Variants in LDLRAD4 observed in about 807,000 individuals in gnomAD.
The protein encoded by LDLRAD4 is low density lipoprotein receptor class A domain containing 4, also known as low-density lipoprotein receptor class A domain-containing protein 4.
Under a neutral mutation model 17.0 loss-of-function variants are expected in LDLRAD4, and 5 were observed. The observed-to-expected ratio is 0.29, with a 90% CI of 0.15 to 0.62. The LOEUF is 0.62. LDLRAD4 is among the 20% of genes least tolerant of loss of function. The pLI, the probability that LDLRAD4 is intolerant of heterozygous loss-of-function variation, is 0.84. For synonymous variants in LDLRAD4, 168 were observed against 171.8 expected (o/e 0.98, Z 0.17); for missense variants, 340 against 424.7 (o/e 0.80, Z 1.75).
chr18:13,424,322 C>T (rs1014138100), intron 2 of LDLRAD4, among the ~76,000 whole-genome samples: 6 of 152,150 alleles, frequency 3.9e-5, no homozygotes, highest in Admixed American at 3.9e-4. Flanking sequence ...TGTGCTGATT[C>T]TTGTCCATCT....
intron 3 of LDLRAD4, among the ~76,000 whole-genome samples, chr18:13,441,656 C>T (rs2091029386): frequency 6.6e-6 from 1 of 152,154 alleles, no homozygotes; most frequent in Non-Finnish European, 1.5e-5. Context: ...GCCATATCTC[C>T]CATTTGATAT....
chr18:13,456,025 C>T (rs562975242), intron 3 of LDLRAD4, among the ~76,000 whole-genome samples: 2 of 152,250 alleles, frequency 1.3e-5, no homozygotes, highest in South Asian at 2.1e-4. Flanking sequence ...TGTTAGGAAA[C>T]GTGTCCTTGC....
chr18:13,284,087 T>C (rs2045463834), intron 1 of LDLRAD4, among the ~76,000 whole-genome samples: 1 of 152,154 alleles, frequency 6.6e-6, no homozygotes, highest in Non-Finnish European at 1.5e-5. Flanking sequence ...AAGTTGAGAT[T>C]TGGGTGGCAA....
At chr18:13,390,104 C>G (rs2086152748) in intron 2 of LDLRAD4, among the ~76,000 whole-genome samples, 1 of 152,236 alleles carries the variant, frequency 6.6e-6, no homozygotes, top group South Asian at 2.1e-4. Flanking sequence ...CTGCTCATCA[C>G]TGCACATTTT....
intron 4 of LDLRAD4, among the ~76,000 whole-genome samples, chr18:13,627,792 G>C (rs915185083): frequency 1.8e-4 from 28 of 152,210 alleles, no homozygotes; most frequent in Non-Finnish European, 5.9e-5. Context: ...CCCGCTCTCT[G>C]AGGCTCGGCC....
At chr18:13,276,718 T>C (rs553077627), upstream of LDLRAD4, among the ~76,000 whole-genome samples, 2 of 152,308 alleles carry the variant, frequency 1.3e-5, no homozygotes, top group Admixed American at 1.3e-4. Context: ...TGTCACTCCC[T>C]CGTTGCGGAC....
intron 4 of LDLRAD4, among the ~76,000 whole-genome samples, chr18:13,631,252 A>G (rs1249065320): frequency 1.3e-5 from 2 of 152,256 alleles, no homozygotes; most frequent in African/African-American, 4.8e-5. Context: ...TATGCAAACC[A>G]ATTGGATAAC....
At chr18:13,531,069 C>A (rs1259705163) in intron 3 of LDLRAD4, among the ~76,000 whole-genome samples, 1 of 152,130 alleles carries the variant, frequency 6.6e-6, no homozygotes, top group Non-Finnish European at 1.5e-5. Context: ...GCTGGCTGTT[C>A]CTGCACTCTA....
chr18:13,279,198 C>T (rs139761568), intron 1 of LDLRAD4, among the ~76,000 whole-genome samples: 7 of 152,326 alleles, frequency 4.6e-5, no homozygotes, highest in South Asian at 2.1e-4. Context: ...ACACCCAGAC[C>T]GCACGCCTTG....
intron 4 of LDLRAD4, among the ~76,000 whole-genome samples, chr18:13,633,323 C>G (rs1173267231): frequency 6.6e-6 from 1 of 152,262 alleles, no homozygotes; most frequent in African/African-American, 2.4e-5. Flanking sequence ...GGACTCCACT[C>G]AGAACTGACA....
intron 3 of LDLRAD4, among the ~76,000 whole-genome samples, chr18:13,560,842 A>C (rs1284438): frequency 0.81 from 123,380 of 152,144 alleles, 50,300 homozygotes; most frequent in Middle Eastern, 0.89. Context: ...AACAGAGTGC[A>C]GACCTGCGGT....
chr18:13,451,012 A>C (rs990286190), intron 3 of LDLRAD4, among the ~76,000 whole-genome samples: 1 of 152,208 alleles, frequency 6.6e-6, no homozygotes, highest in Admixed American at 6.5e-5. Flanking sequence ...TTTTTGAGCA[A>C]GAGAGGCTAC....
At chr18:13,396,991 A>C (rs1053691443) in intron 2 of LDLRAD4, among the ~76,000 whole-genome samples, 1 of 152,232 alleles carries the variant, frequency 6.6e-6, no homozygotes, top group Admixed American at 6.5e-5. Flanking sequence ...TCCAGTTGCC[A>C]AGTAGACAAC....
At chr18:13,535,326 C>T (rs1341024528) in intron 3 of LDLRAD4, among the ~76,000 whole-genome samples, 1 of 152,226 alleles carries the variant, frequency 6.6e-6, no homozygotes, top group Admixed American at 6.5e-5. Context: ...TTCTCATCAA[C>T]ACTTGATATT....
At chr18:13,596,002 T>G (rs920153401) in intron 3 of LDLRAD4, among the ~76,000 whole-genome samples, 5 of 152,242 alleles carry the variant, frequency 3.3e-5, no homozygotes, top group Admixed American at 2.6e-4. Context: ...AAGTTGTCTG[T>G]TTTTCCTTTC....
intron 1 of LDLRAD4, chr18:13,382,618 TGTGTGTGTGC>T (rs199960618): frequency 0.021 from 3,168 of 151,966 alleles, 62 homozygotes; most frequent in Non-Finnish European, 0.034. Flanking sequence ...TGTGTGTGCG[TGTGTGTGTGC>T]GTGTGTGTGC....
intron 1 of LDLRAD4, among the ~76,000 whole-genome samples, chr18:13,248,171 C>G (rs748165238): frequency 6.6e-6 from 1 of 152,134 alleles, no homozygotes; most frequent in Non-Finnish European, 1.5e-5. Context: ...CCATGTTGGT[C>G]AGGCTGTTCT....
chr18:13,371,848 CTT>C (rs1157929534), intron 1 of LDLRAD4, among the ~76,000 whole-genome samples: 1 of 152,106 alleles, frequency 6.6e-6, no homozygotes, highest in African/African-American at 2.4e-5. Flanking sequence ...CAACAAACAT[CTT>C]TTTACTAATT....
intron 1 of LDLRAD4, among the ~76,000 whole-genome samples, chr18:13,297,434 C>A (rs749655402): frequency 3.9e-5 from 6 of 152,158 alleles, no homozygotes; most frequent in African/African-American, 1.4e-4. Flanking sequence ...GGAAGGGGAG[C>A]GCCTGTTCCA....
Sources: gnomAD v4.1 joint callset for allele counts (sites outside exome capture counted in the v4.1 genomes callset) on GRCh38, gnomAD v4.1.1 for gene constraint, MANE v1.5 for transcripts, NCBI Gene and HGNC (gene_info 2026-07-23, HGNC 2026-07-21) for gene names.